Variants in GSDME observed in about 807,000 individuals in gnomAD.
The protein encoded by GSDME is gasdermin-E.
In GSDME, 44 loss-of-function variants were observed where a neutral mutation model predicts 47.5. The observed-to-expected ratio is 0.93, with a 90% CI of 0.73 to 1.19. GSDME has a LOEUF of 1.19. Among genes scored for constraint, GSDME ranks in the 50% most tolerant of loss-of-function variants. The pLI is 0.00. For missense variants in GSDME, 663 were observed against 604.2 expected, an observed-to-expected ratio of 1.10 and a Z score of -1.02; for synonymous variants, 258 against 252.8, an observed-to-expected ratio of 1.02 and a Z score of -0.20.
intron 8 of GSDME, chr7:24,703,885 A>G (rs1042267930): frequency 6.6e-6 from 1 of 152,224 alleles, no homozygotes; most frequent in Admixed American, 6.5e-5. Flanking sequence ...TATGTGGCCT[A>G]GCGTATCCAG....
intron 7 of GSDME, 99 bp from the exon 8 acceptor site, chr7:24,706,475 A>C: frequency 8.2e-7 from 1 of 1,223,706 alleles, no homozygotes; most frequent in African/African-American, 1.5e-5. Context: ...AGCCCTTCCC[A>C]CTCCCCCGAG....
At chr7:24,717,939 C>G (rs940415003) in intron 4 of GSDME, among the ~76,000 whole-genome samples, 3 of 152,194 alleles carry the variant, frequency 2.0e-5, no homozygotes, top group Non-Finnish European at 4.4e-5. Context: ...CAAACAGGAC[C>G]CCTTCCCACG....
chr7:24,714,160 A>G lies in GSDME; in HGVS notation c.697+3094T>C, dbSNP rs986321752. ...AATGAAAGGGTGTTTCTGATTGGGC[A>G]TAAGTGTCTCCTGAGAGGGGAGCTG... On this transcript the variant is annotated intron_variant, in intron 5 of 9. Transcript: ENST00000645220. The surrounding 1 kb of genome is among the most constrained non-coding windows in gnomAD (Gnocchi z 5.0). 6.6e-6 allele frequency among the ~76,000 whole-genome samples: 1 copy of G among 152,218 alleles called. No homozygotes were observed. Among genetic ancestry groups the G allele is most frequent in the Non-Finnish European group, 1.5e-5 (1 of 68,030 alleles).
At chr7:24,731,565 T>A (rs1790146414) in intron 3 of GSDME, among the ~76,000 whole-genome samples, 1 of 152,262 alleles carries the variant, frequency 6.6e-6, no homozygotes, top group South Asian at 2.1e-4. Context: ...CTCAGCAAGC[T>A]GCATCACACC....
In GSDME at chr7:24,744,409, T is replaced by C. The variant is rs1790582314; in HGVS notation, c.404+153A>G. ...AGTCAAGCAATTCCAGACTAAAGAA[T>C]GTGCTCCTCATGAAATTTCAACACA... On this transcript the variant is annotated intron_variant, in intron 3 of 9. Coordinates refer to ENST00000645220, the MANE Select transcript of GSDME (RefSeq NM_001127453.2). The surrounding 1 kb of genome is among the most constrained non-coding windows in gnomAD (Gnocchi z 4.5). 1 of 858,612 alleles carries C rather than the reference T, an allele frequency of 1.2e-6. No homozygotes were observed. The highest frequency in any genetic ancestry group is 1.9e-6 in the Non-Finnish European group (1 of 524,248). 53.2% of individuals were successfully genotyped at this position (858,612 alleles called of 1,614,324 possible). A position where few individuals can be genotyped will look rare whatever the true frequency, so the allele number is the denominator to read the frequency against.
chr7:24,702,237 CTCA>C lies in GSDME; in HGVS notation c.1257+520_1257+522del, dbSNP rs1266987514. On this transcript the variant is annotated intron_variant, in intron 9 of 9. Transcript: ENST00000645220. ...TTAATCTTGACTCTCTAGGGCTAAG[CTCA>C]TCATTACCTAACTCATGCTCTTAGA... Among the ~76,000 whole-genome samples, 6 of 152,310 alleles carry C rather than the reference CTCA, an allele frequency of 3.9e-5. No individual in the cohort carries two copies. In the East Asian group the frequency reaches 1.2e-3, roughly 29 times the overall value.
intron 8 of GSDME, 27 bp downstream of exon 8, chr7:24,706,157 A>ATTTC: frequency 6.2e-7 from 1 of 1,613,330 alleles, no homozygotes; most frequent in South Asian, 1.1e-5. Context: ...AGCAGCAGCC[A>ATTTC]TTTCTTTCAT....
At chr7:24,723,807 T>C (rs1258098335) in intron 3 of GSDME, among the ~76,000 whole-genome samples, 2 of 152,242 alleles carry the variant, frequency 1.3e-5, no homozygotes, top group Non-Finnish European at 2.9e-5. Flanking sequence ...TGTTCATTTC[T>C]ATATGTAAAT....
At chr7:24,772,276 T>C in the GSDME span, among the ~76,000 whole-genome samples, 1 of 152,226 alleles carries the variant, frequency 6.6e-6, no homozygotes, top group Admixed American at 6.5e-5. This position sits in a 1 kb window ranked among gnomAD's most constrained non-coding sequence, Gnocchi z 4.5. Context: ...GCATCTTGCT[T>C]AGCTTCACAT....
At chr7:24,777,966 T>C in the GSDME span, among the ~76,000 whole-genome samples, 1 of 151,362 alleles carries the variant, frequency 6.6e-6, no homozygotes, top group African/African-American at 2.4e-5. Flanking sequence ...AAAACAAATA[T>C]ATTGTGCCCT....
At position 24,726,421 on chromosome 7, in the gene GSDME, A is replaced by G. The variant is rs1260347959; in HGVS notation, c.405-7203T>C. The stretch of plus-strand genomic sequence containing the variant: ...AACTCTCCTTCATTCATCTCCACAA[A>G]TACCTGAGTTCTGCTATGCTCCAGG... On this transcript the variant is annotated intron_variant, in intron 3 of 9. Transcript: ENST00000645220. The surrounding 1 kb of genome is among the most constrained non-coding windows in gnomAD (Gnocchi z 5.6). Among the ~76,000 whole-genome samples, 2 of 152,082 alleles carry G rather than the reference A, an allele frequency of 1.3e-5. No individual in the cohort carries two copies. Among genetic ancestry groups the G allele is most frequent in the African/African-American group, 4.8e-5 (2 of 41,408 alleles).
rs1444534572 is a variant in GSDME, at chr7:24,745,380, C to G, written c.212-626G>C. ...AGTCTTGGAAAACAATCCCCTGGCCCTTATTACCATCTCCAGTCAAATTAT... is the reference window on the plus strand; with the variant it reads ...AGTCTTGGAAAACAATCCCCTGGCCGTTATTACCATCTCCAGTCAAATTAT... On this transcript the variant is annotated intron_variant, in intron 2 of 9. Transcript: ENST00000645220. This position sits in a 1 kb window ranked among gnomAD's most constrained non-coding sequence, Gnocchi z 4.4. Among the ~76,000 whole-genome samples, 2 of 152,140 alleles carry G rather than the reference C, an allele frequency of 1.3e-5. No homozygotes were observed. The highest frequency in any genetic ancestry group is 2.9e-5 in the Non-Finnish European group (2 of 68,016).
At chr7:24,746,765 AC>A (rs1790680912) in intron 2 of GSDME, among the ~76,000 whole-genome samples, 1 of 152,202 alleles carries the variant, frequency 6.6e-6, no homozygotes, top group Non-Finnish European at 1.5e-5. Context: ...CAAGCTGTCA[AC>A]TGCTGTTGGT....
In GSDME at chr7:24,712,606, G is replaced by A. The variant is rs148575813; in HGVS notation, c.698-2218C>T. On this transcript the variant is annotated intron_variant, in intron 5 of 9. Coordinates refer to ENST00000645220, the MANE Select transcript of GSDME (RefSeq NM_001127453.2). This position sits in a 1 kb window ranked among gnomAD's most constrained non-coding sequence, Gnocchi z 4.4. ...GGCCTTGACGATGAGTGTGGTAAGA[G>A]TGGGGACAGCGGTTGAACAGGGCTG... 1.3e-5 allele frequency among the ~76,000 whole-genome samples: 2 copies of A among 152,348 alleles called. No homozygotes were observed. Among genetic ancestry groups the A allele is most frequent in the Non-Finnish European group, 2.9e-5 (2 of 68,026 alleles).
rs533735763 is a variant in GSDME at position 24,733,455 on chromosome 7, G to T, written c.404+11107C>A. On this transcript the variant is annotated intron_variant, in intron 3 of 9. Transcript: ENST00000645220. The surrounding 1 kb of genome is among the most constrained non-coding windows in gnomAD (Gnocchi z 4.3). ...TTGGGTACCAGCTAAGCACAGTGGG[G>T]TAGAGCACCAAGCAAGCCCTTCAAG... Among the ~76,000 whole-genome samples the T allele has an allele frequency of 7.2e-5, 11 of 152,300 alleles. No homozygotes were observed. Among genetic ancestry groups the T allele is most frequent in the Admixed American group, 7.2e-4 (11 of 15,304 alleles).
intron 5 of GSDME, chr7:24,710,641 G>T: frequency 2.0e-6 from 1 of 504,964 alleles, no homozygotes; most frequent in Admixed American, 3.3e-5. Flanking sequence ...CTCTGAACAG[G>T]CTGGACACAA....
chr7:24,765,112 C>T, the GSDME span, among the ~76,000 whole-genome samples: 6 of 152,180 alleles, frequency 3.9e-5, no homozygotes, highest in Non-Finnish European at 8.8e-5. Context: ...CTCACCTCTC[C>T]TTGCTCACCA....
At chr7:24,774,567 C>T in the GSDME span, among the ~76,000 whole-genome samples, 1 of 151,958 alleles carries the variant, frequency 6.6e-6, no homozygotes, top group Admixed American at 6.6e-5. Context: ...GAGTCTCGCT[C>T]TGTCACCCAG....
In GSDME at chr7:24,699,122, A is replaced by G. The variant is rs2128044475; in HGVS notation, c.1395T>C (p.Ser465=). The change falls in exon 10 of 10, where the codon TCT becomes TCC. Residue 465 remains serine (S), a synonymous_variant. Transcript: ENST00000645220. ...AGTCCTTCAGAATGACAGCTTTCACAGATGACTTCAGTCTCTCCAGACTAA... is the reference window on the plus strand; with the variant it reads ...AGTCCTTCAGAATGACAGCTTTCACGGATGACTTCAGTCTCTCCAGACTAA... The part of the protein sequence containing the change: ...ADISLERLKS[S]VKAVILKDSK... The G allele has an allele frequency of 1.2e-6, 2 of 1,614,172 alleles. No homozygotes were observed. Among genetic ancestry groups the G allele is most frequent in the Non-Finnish European group, 1.7e-6 (2 of 1,179,998 alleles).
Sources: gnomAD v4.1 joint callset for allele counts (sites outside exome capture counted in the v4.1 genomes callset) on GRCh38, gnomAD v4.1.1 for gene constraint, Gnocchi (gnomAD v3.1) non-coding constraint, MANE v1.5 for transcripts, NCBI Gene and HGNC (gene_info 2026-07-23, HGNC 2026-07-21) for gene names.